The following GPR39 variants were observed in gnomAD, a reference collection of about 807,000 sequenced individuals.
GPR39 encodes the protein G protein-coupled receptor 39.
In GPR39, 23 loss-of-function variants were observed where a neutral mutation model predicts 18.4. The observed-to-expected ratio is 1.25, with a 90% CI of 0.90 to 1.77. The LOEUF is 1.77. Ranked by LOEUF, GPR39 falls within the 40% of genes most tolerant of loss-of-function variation. The probability of loss-of-function intolerance (pLI) is 0.00; values close to 1 mark genes in which losing one functional copy is unlikely to be tolerated. For synonymous variants in GPR39, 280 were observed against 257.9 expected (o/e 1.09, Z -0.82); for missense variants, 647 against 602.4 (o/e 1.07, Z -0.78).
At chr2:132,470,264 T>A (rs762847589) in intron 1 of GPR39, among the ~76,000 whole-genome samples, 3 of 152,110 alleles carry the variant, frequency 2.0e-5, no homozygotes, top group Non-Finnish European at 4.4e-5. Flanking sequence ...TTGTGAGGGA[T>A]GGGAGTGCTA....
intron 1 of GPR39, among the ~76,000 whole-genome samples, chr2:132,638,220 G>C (rs1176661119): frequency 6.6e-6 from 1 of 152,178 alleles, no homozygotes; most frequent in Non-Finnish European, 1.5e-5. Flanking sequence ...TTGTCTAGGA[G>C]TGGAACCAGA....
At chr2:132,531,243 A>C (rs960560070) in intron 1 of GPR39, among the ~76,000 whole-genome samples, 14 of 152,328 alleles carry the variant, frequency 9.2e-5, no homozygotes, top group Middle Eastern at 3.4e-3. Flanking sequence ...AACAAAGATC[A>C]AAAGAGACAA....
intron 1 of GPR39, among the ~76,000 whole-genome samples, chr2:132,453,468 G>A (rs1680665896): frequency 6.6e-6 from 1 of 152,188 alleles, no homozygotes; most frequent in African/African-American, 2.4e-5. Flanking sequence ...TTGCTGTGCA[G>A]AAGCTCTTTA....
At chr2:132,429,001 G>A (rs1220153396) in intron 1 of GPR39, among the ~76,000 whole-genome samples, 2 of 152,236 alleles carry the variant, frequency 1.3e-5, no homozygotes, top group Admixed American at 6.5e-5. Context: ...AGAAAATGAG[G>A]CATTGGGTCT....
At chr2:132,539,124 G>A (rs1228370984) in intron 1 of GPR39, among the ~76,000 whole-genome samples, 1 of 152,168 alleles carries the variant, frequency 6.6e-6, no homozygotes, top group Non-Finnish European at 1.5e-5. Flanking sequence ...AAAGACTTCT[G>A]CAGCTCAGTG....
chr2:132,427,493 T>C (rs1228330857), intron 1 of GPR39, among the ~76,000 whole-genome samples: 1 of 150,628 alleles, frequency 6.6e-6, no homozygotes, highest in Admixed American at 6.6e-5. Flanking sequence ...TTTGGTTTTA[T>C]ATATTATATA....
At chr2:132,526,332 C>G (rs1679508207) in intron 1 of GPR39, among the ~76,000 whole-genome samples, 1 of 152,160 alleles carries the variant, frequency 6.6e-6, no homozygotes, top group African/African-American at 2.4e-5. Flanking sequence ...GAAGCTGCAG[C>G]AGTGAGGGAC....
intron 1 of GPR39, among the ~76,000 whole-genome samples, chr2:132,521,828 G>A (rs754381205): frequency 6.6e-6 from 1 of 152,050 alleles, no homozygotes; most frequent in Non-Finnish European, 1.5e-5. Flanking sequence ...CATTTTTAAT[G>A]TACTGTGTCT....
At chr2:132,560,083 C>T (rs1165787576) in intron 1 of GPR39, among the ~76,000 whole-genome samples, 1 of 152,088 alleles carries the variant, frequency 6.6e-6, no homozygotes, top group Non-Finnish European at 1.5e-5. Flanking sequence ...GCTCTGGGAG[C>T]TGTCTGCATC....
At chr2:132,616,973 AC>A (rs1681347149) in intron 1 of GPR39, among the ~76,000 whole-genome samples, 1 of 152,124 alleles carries the variant, frequency 6.6e-6, no homozygotes, top group Non-Finnish European at 1.5e-5. Flanking sequence ...ACCAACACAA[AC>A]CCATTCATAG....
chr2:132,628,435 C>G (rs562887798), intron 1 of GPR39, among the ~76,000 whole-genome samples: 83 of 152,312 alleles, frequency 5.4e-4, no homozygotes, highest in East Asian at 2.7e-3. Flanking sequence ...AGGGCCCTGG[C>G]AGGAGAGAGG....
intron 1 of GPR39, among the ~76,000 whole-genome samples, chr2:132,490,262 G>A (rs957734099): frequency 2.6e-5 from 4 of 151,820 alleles, no homozygotes; most frequent in Non-Finnish European, 4.4e-5. Context: ...TGGAGATAGC[G>A]AGAGATGAAA....
chr2:132,479,260 C>T (rs759636578), intron 1 of GPR39, among the ~76,000 whole-genome samples: 2 of 152,120 alleles, frequency 1.3e-5, no homozygotes, highest in Non-Finnish European at 2.9e-5. Flanking sequence ...TGAGATGAGA[C>T]CTGCGAATTA....
intron 1 of GPR39, among the ~76,000 whole-genome samples, chr2:132,640,687 T>TA (rs1681841746): frequency 6.6e-6 from 1 of 152,324 alleles, no homozygotes; most frequent in South Asian, 2.1e-4. Flanking sequence ...AACATGCATT[T>TA]AGTCAAATCT....
At chr2:132,592,470 A>G (rs544538023) in intron 1 of GPR39, among the ~76,000 whole-genome samples, 1 of 152,226 alleles carries the variant, frequency 6.6e-6, no homozygotes, top group East Asian at 1.9e-4. Flanking sequence ...GAGGTCAGGG[A>G]AAAAAGTGGT....
intron 1 of GPR39, among the ~76,000 whole-genome samples, chr2:132,464,967 T>C (rs1680901049): frequency 1.3e-5 from 2 of 152,234 alleles, no homozygotes; most frequent in Non-Finnish European, 2.9e-5. Context: ...TGATGTCCTG[T>C]GTCCCTTAAA....
intron 1 of GPR39, among the ~76,000 whole-genome samples, chr2:132,637,271 TTTC>T (rs530261101): frequency 1.1e-3 from 170 of 152,358 alleles, no homozygotes; most frequent in African/African-American, 3.8e-3. Context: ...ATTGATAGTT[TTTC>T]TTCTTGTACT....
chr2:132,560,427 C>T (rs185423034), intron 1 of GPR39, among the ~76,000 whole-genome samples: 9 of 152,334 alleles, frequency 5.9e-5, no homozygotes, highest in Admixed American at 3.9e-4. Flanking sequence ...TCCTCACACC[C>T]TGATTGCATC....
chr2:132,582,985 A>G (rs1235265056), intron 1 of GPR39, among the ~76,000 whole-genome samples: 1 of 144,660 alleles, frequency 6.9e-6, no homozygotes, highest in Non-Finnish European at 1.5e-5. Context: ...ACACTATCAC[A>G]GCTCATTGCA....
Sources: allele counts gnomAD v4.1 joint callset (sites outside exome capture counted in the v4.1 genomes callset), GRCh38; gene constraint gnomAD v4.1.1; transcripts MANE v1.5; gene names NCBI Gene and HGNC (gene_info 2026-07-23, HGNC 2026-07-21).